The following SV2C variants were observed in gnomAD, a reference collection of about 807,000 sequenced individuals.
SV2C encodes solute carrier family 22 member B3.
SV2C carries 49 observed loss-of-function variants against 79.7 expected under a neutral mutation model. The ratio of observed to expected loss-of-function variants is 0.61; its 90% CI spans 0.49 to 0.78. SV2C has a LOEUF of 0.78. Among genes scored for constraint, SV2C ranks in the 30% least tolerant of loss-of-function variants. SV2C has a pLI of 0.00. For missense variants in SV2C, 833 were observed against 912.9 expected, an observed-to-expected ratio of 0.91 and a Z score of 1.13; for synonymous variants, 334 against 333.2, an observed-to-expected ratio of 1.00 and a Z score of -0.03.
chr5:76,271,393 G>A (rs1463744120), intron 4 of SV2C, among the ~76,000 whole-genome samples: 1 of 152,156 alleles, frequency 6.6e-6, no homozygotes, highest in Non-Finnish European at 1.5e-5. Flanking sequence ...CAACCGAAAA[G>A]AGTTTAACAT....
chr5:76,238,536 G>T (rs1745687863), intron 4 of SV2C, among the ~76,000 whole-genome samples: 1 of 152,092 alleles, frequency 6.6e-6, no homozygotes, highest in African/African-American at 2.4e-5. Context: ...AAAGTCTTCA[G>T]TTATCTATTA....
At chr5:76,118,015 A>G (rs966864976) in intron 1 of SV2C, among the ~76,000 whole-genome samples, 3 of 152,224 alleles carry the variant, frequency 2.0e-5, no homozygotes, top group Non-Finnish European at 2.9e-5. Context: ...ATTCAACAAG[A>G]AAAGGATCTT....
chr5:76,282,230 G>A (rs909546453), intron 4 of SV2C, among the ~76,000 whole-genome samples: 1 of 147,298 alleles, frequency 6.8e-6, no homozygotes, highest in African/African-American at 2.4e-5. Context: ...GATATAATAA[G>A]CAAATTGATA....
At chr5:75,967,956 A>G in the SV2C span, among the ~76,000 whole-genome samples, 9 of 152,144 alleles carry the variant, frequency 5.9e-5, no homozygotes, top group East Asian at 1.7e-3. Context: ...ACGGCCAGGT[A>G]CTCCTCTGAG....
intron 2 of SV2C, among the ~76,000 whole-genome samples, chr5:76,182,944 A>T (rs558481708): frequency 0.014 from 883 of 64,320 alleles, 7 homozygotes; most frequent in Middle Eastern, 0.025. Flanking sequence ...TGTATGTGAG[A>T]GAGAGAGAGA....
At chr5:76,036,419 A>G in the SV2C span, among the ~76,000 whole-genome samples, 1 of 151,658 alleles carries the variant, frequency 6.6e-6, no homozygotes, top group Non-Finnish European at 1.5e-5. Flanking sequence ...TTCCTTCAGG[A>G]GCTCCTTTAG....
intron 2 of SV2C, among the ~76,000 whole-genome samples, chr5:76,139,741 A>G (rs920645637): frequency 9.9e-5 from 15 of 152,168 alleles, no homozygotes; most frequent in Non-Finnish European, 1.5e-4. Flanking sequence ...GTCAATTGGT[A>G]TACTGGACGA....
chr5:75,859,315 C>T, the SV2C span, among the ~76,000 whole-genome samples: 2 of 152,160 alleles, frequency 1.3e-5, no homozygotes, highest in East Asian at 3.8e-4. Flanking sequence ...CTGTCTCTTG[C>T]CTCTTCACAT....
the SV2C span, among the ~76,000 whole-genome samples, chr5:75,935,242 C>T: frequency 2.0e-5 from 3 of 151,922 alleles, no homozygotes; most frequent in African/African-American, 7.3e-5. Flanking sequence ...ACATTTTTCT[C>T]CCATTAGGCT....
intron 8 of SV2C, among the ~76,000 whole-genome samples, chr5:76,293,132 G>C (rs1747617507): frequency 6.6e-6 from 1 of 152,132 alleles, no homozygotes; most frequent in South Asian, 2.1e-4. Context: ...ACATTTCTCA[G>C]TTCCTCATTT....
At chr5:76,171,651 G>C (rs1743261831) in intron 2 of SV2C, among the ~76,000 whole-genome samples, 1 of 146,182 alleles carries the variant, frequency 6.8e-6, no homozygotes, top group African/African-American at 2.5e-5. Context: ...GCCCCATCCG[G>C]GAGGGAGGTG....
intron 12 of SV2C, among the ~76,000 whole-genome samples, chr5:76,313,807 C>A (rs753973387): frequency 1.3e-5 from 2 of 152,166 alleles, no homozygotes; most frequent in Non-Finnish European, 2.9e-5. Context: ...GCAGAACATT[C>A]TTTCCAATCA....
intron 2 of SV2C, among the ~76,000 whole-genome samples, chr5:76,194,254 G>T (rs1463501944): frequency 6.6e-6 from 1 of 152,142 alleles, no homozygotes; most frequent in Non-Finnish European, 1.5e-5. Context: ...ATCTATAAAA[G>T]CTCACTTTCT....
chr5:76,024,156 C>T, the SV2C span, among the ~76,000 whole-genome samples: 1 of 148,394 alleles, frequency 6.7e-6, no homozygotes, highest in Non-Finnish European at 1.5e-5. Flanking sequence ...AATCATGTTG[C>T]TTCTGTTTCT....
chr5:76,177,442 G>A (rs73132255), intron 2 of SV2C, among the ~76,000 whole-genome samples: 1,999 of 151,586 alleles, frequency 0.013, 43 homozygotes, highest in African/African-American at 0.044. Flanking sequence ...TACAAATTCA[G>A]CATAGTAGGA....
chr5:76,202,270 C>T (rs893087111), intron 3 of SV2C, among the ~76,000 whole-genome samples: 2 of 152,094 alleles, frequency 1.3e-5, no homozygotes, highest in African/African-American at 2.4e-5. Flanking sequence ...ATGCTGTGTT[C>T]AGCACTTTAT....
intron 2 of SV2C, among the ~76,000 whole-genome samples, chr5:76,166,150 T>C (rs1371007489): frequency 6.6e-6 from 1 of 152,206 alleles, no homozygotes; most frequent in Non-Finnish European, 1.5e-5. Flanking sequence ...ATGCCCAGAA[T>C]AGAAATAAAG....
At chr5:75,980,786 C>T in the SV2C span, among the ~76,000 whole-genome samples, 1 of 152,096 alleles carries the variant, frequency 6.6e-6, no homozygotes, top group Non-Finnish European at 1.5e-5. Context: ...AAAGCCTTTC[C>T]TCTTGAAAAC....
Position 76,132,315 on chromosome 5 carries a change from G to A in SV2C, c.565G>A (p.Gly189Arg), listed in dbSNP as rs765379715. Residue 189 changes from glycine to arginine, a missense_variant, in exon 2 of 13, where the codon GGA becomes AGA. Coordinates refer to ENST00000502798, the MANE Select transcript of SV2C (RefSeq NM_014979.4). ...GACAGACCTCTGCATCCCAAATTCA[G>A]GATCTGGATGGCTAGGTGAGTGTGT... ...AETDLCIPNS[G>R]SGWLGSIVYL... is the part of the protein sequence containing the mutation. 3 of 1,610,856 alleles carry A rather than the reference G, an allele frequency of 1.9e-6. No individual in the cohort carries two copies. The highest frequency in any genetic ancestry group is 3.3e-5 in the Admixed American group (2 of 59,782).
Sources: allele counts gnomAD v4.1 joint callset (sites outside exome capture counted in the v4.1 genomes callset), GRCh38; gene constraint gnomAD v4.1.1; transcripts MANE v1.5; gene names NCBI Gene and HGNC (gene_info 2026-07-23, HGNC 2026-07-21).